Variants in URI1 observed in about 807,000 individuals in gnomAD.
URI1 encodes the protein URI1 prefoldin like chaperone.
A neutral mutation model predicts 60.2 loss-of-function variants in URI1; 39 were observed. The ratio of observed to expected loss-of-function variants is 0.65; its 90% CI spans 0.50 to 0.85. The LOEUF (loss-of-function observed/expected upper bound fraction) is 0.85. Among genes scored for constraint, URI1 ranks in the 40% least tolerant of loss-of-function variants. The probability of loss-of-function intolerance (pLI) is 0.00; values close to 1 mark genes in which losing one functional copy is unlikely to be tolerated. For missense variants in URI1, 691 were observed against 665.9 expected (o/e 1.04, Z -0.42); for synonymous variants, 251 against 236.8 (o/e 1.06, Z -0.55).
chr19:30,012,527 C>T lies in URI1; in HGVS notation c.1421C>T (p.Pro474Leu), dbSNP rs1370841788. Reference sequence around the variant, plus strand: ...AAACTTTTGCCCTTATCAGTAACACCTGAGGTGTGTGTGTGTATCTTTTAA... The same window carrying T: ...AAACTTTTGCCCTTATCAGTAACACTTGAGGTGTGTGTGTGTATCTTTTAA... The part of the protein sequence containing the change: ...QKKLLPLSVT[P>L]EAFSGTVIEK... The change falls in exon 10 of 11, where the codon CCT (proline) becomes CTT (leucine). Residue 474 changes from proline to leucine, a missense_variant. Transcript: ENST00000392271. The T allele has an allele frequency of 6.2e-7, 1 of 1,613,752 alleles. No homozygotes were observed. The highest frequency in any genetic ancestry group is 1.3e-5 in the African/African-American group (1 of 74,886).
At chr19:29,998,315 T>C (rs2055837866) in intron 4 of URI1, among the ~76,000 whole-genome samples, 1 of 152,158 alleles carries the variant, frequency 6.6e-6, no homozygotes, top group Non-Finnish European at 1.5e-5. Context: ...TGTTGTTGGG[T>C]GGAGGTTTCT....
In URI1 at chr19:30,014,905, A is replaced by G. The variant is rs1568450542; in HGVS notation, c.1444A>G (p.Ile482Val). ...TTTCTAGGCTTTTTCTGGAACTGTT[A>G]TAGAAAAAGAATTTGTATCACCTTC... ...VTPEAFSGTVIEKEFVSPSLT... is the reference protein window; with the variant it reads ...VTPEAFSGTVVEKEFVSPSLT... The change falls in exon 11 of 11, where the codon ATA (isoleucine) becomes GTA (valine). Residue 482 changes from isoleucine (I) to valine (V), a missense_variant. Ile to Val is a conservative substitution (Grantham distance 29). Coordinates refer to ENST00000392271, the MANE Select transcript of URI1 (RefSeq NM_003796.3). 2.5e-6 allele frequency: 4 copies of G among 1,612,618 alleles called. No homozygotes were observed. Among genetic ancestry groups the G allele is most frequent in the Non-Finnish European group, 3.4e-6 (4 of 1,179,084 alleles).
intron 2 of URI1, among the ~76,000 whole-genome samples, chr19:29,975,920 G>A (rs1409011745): frequency 6.6e-6 from 1 of 152,130 alleles, no homozygotes; most frequent in Non-Finnish European, 1.5e-5. Flanking sequence ...TTGTGTGTGT[G>A]TATTCATCTA....
intron 6 of URI1, 131 bp downstream of exon 6, chr19:30,005,839 A>G (rs1237004076): frequency 1.3e-6 from 1 of 783,502 alleles, no homozygotes; most frequent in African/African-American, 1.8e-5. Context: ...ACATTTTTCT[A>G]CTCATTGATT....
intron 4 of URI1, among the ~76,000 whole-genome samples, chr19:30,001,420 G>A (rs770306368): frequency 2.0e-5 from 3 of 151,738 alleles, no homozygotes; most frequent in Non-Finnish European, 3.0e-5. Flanking sequence ...GCGTTTCAAG[G>A]TTCAGTATGT....
rs543636425 is a variant in URI1 at position 29,984,716 on chromosome 19, A to G, written c.153-507A>G. ...ACCACATTAATCTTGAATTTGCTAA[A>G]ATTATGTTTTTGATTAGCTTGTTTT... On this transcript the variant is annotated intron_variant, in intron 2 of 10. Transcript: ENST00000392271. 1.0e-3 allele frequency among the ~76,000 whole-genome samples: 157 copies of G among 152,280 alleles called. 3 individuals are homozygous for G. Among genetic ancestry groups the G allele is most frequent in the African/African-American group, 3.7e-3 (155 of 41,552 alleles).
At position 29,978,032 on chromosome 19, in the gene URI1, A is replaced by G. The variant is rs190674049; in HGVS notation, c.152+6805A>G. 3.3e-5 allele frequency among the ~76,000 whole-genome samples: 5 copies of G among 152,224 alleles called. No homozygotes were observed. In the East Asian group the frequency reaches 5.8e-4, roughly 18 times the overall value. On this transcript the variant is annotated intron_variant, in intron 2 of 10. Coordinates refer to ENST00000392271, the MANE Select transcript of URI1 (RefSeq NM_003796.3). ...ATTCCCTCTAGCTTCTTAATTCTGT[A>G]TGTGTATTTATGTGACTAAGGTCAA...
chr19:29,928,182 C>T (rs1568399737), intron 1 of URI1, among the ~76,000 whole-genome samples: 2 of 152,008 alleles, frequency 1.3e-5, no homozygotes, highest in Non-Finnish European at 2.9e-5. Flanking sequence ...TGAGAGCTGC[C>T]CGGCTGCCTG....
upstream of URI1, among the ~76,000 whole-genome samples, chr19:29,940,776 G>C (rs1346460264): frequency 6.6e-6 from 1 of 152,184 alleles, no homozygotes; most frequent in Non-Finnish European, 1.5e-5. Context: ...GCTTCCTACA[G>C]GCACAGGACT....
At chr19:29,931,714 A>G (rs939089902) in intron 1 of URI1, among the ~76,000 whole-genome samples, 2 of 152,208 alleles carry the variant, frequency 1.3e-5, no homozygotes, top group African/African-American at 4.8e-5. Flanking sequence ...TCGATGTACA[A>G]ACTTGCTCCT....
intron 1 of URI1, chr19:29,956,922 G>A (rs113739589): frequency 4.5e-5 from 49 of 1,093,986 alleles, no homozygotes; most frequent in South Asian, 2.6e-4. Context: ...ATAACTGTGC[G>A]TCCCTTCAGA....
At chr19:29,924,167 T>A (rs372536708) in intron 1 of URI1, among the ~76,000 whole-genome samples, 1 of 152,070 alleles carries the variant, frequency 6.6e-6, no homozygotes, top group East Asian at 1.9e-4. Context: ...AGGGCAGATG[T>A]TTTTTACTCG....
chr19:29,984,373 G>T (rs183262315), intron 2 of URI1, among the ~76,000 whole-genome samples: 4 of 152,284 alleles, frequency 2.6e-5, no homozygotes, highest in African/African-American at 7.2e-5. Flanking sequence ...AGGTTGCAGT[G>T]AGCTGAGATT....
rs199739403 is a variant in URI1, at chr19:29,970,128, ATTTTTTTTTTTTT to A, written c.118-1049_118-1037del. ...GACAGGTCTAAAAAAAATCGTGTGTATTTTTTTTTTTTTTTTTTTTTTTTTTTTGCTGGGACGG... is the reference window on the plus strand; with the variant it reads ...GACAGGTCTAAAAAAAATCGTGTGTATTTTTTTTTTTTTTTGCTGGGACGG... On this transcript the variant is annotated intron_variant, in intron 1 of 10. Transcript: ENST00000392271. Among the ~76,000 whole-genome samples, 226 of 74,540 alleles carry A rather than the reference ATTTTTTTTTTTTT, an allele frequency of 3.0e-3. 1 individual carries two copies. The highest frequency in any genetic ancestry group is 8.7e-3 in the African/African-American group (181 of 20,866). 48.9% of individuals were successfully genotyped at this position (74,540 alleles called of 152,430 possible). A position where few individuals can be genotyped will look rare whatever the true frequency, so the allele number is the denominator to read the frequency against.
Position 29,953,380 on chromosome 19 carries a change from A to G in URI1, c.117+10716A>G, listed in dbSNP as rs1385279245. On this transcript the variant is annotated intron_variant, in intron 1 of 10. Transcript: ENST00000392271. Reference sequence around the variant, plus strand: ...TCAAAAAAAAAATTTATTGGACTTCATTGGTCAAGAGTGCTACTAGCTCTT... The same window carrying G: ...TCAAAAAAAAAATTTATTGGACTTCGTTGGTCAAGAGTGCTACTAGCTCTT... 5.3e-5 allele frequency among the ~76,000 whole-genome samples: 8 copies of G among 152,168 alleles called. No individual in the cohort carries two copies. The East Asian group carries it at 9.6e-4, about 18-fold the overall frequency.
upstream of URI1, among the ~76,000 whole-genome samples, chr19:29,938,272 A>G (rs1369254287): frequency 1.3e-5 from 2 of 152,242 alleles, no homozygotes; most frequent in South Asian, 2.1e-4. Context: ...GAAGCTTCCA[A>G]TCATGGTGGA....
chr19:29,940,534 A>G (rs1406552525), upstream of URI1, among the ~76,000 whole-genome samples: 3 of 152,116 alleles, frequency 2.0e-5, no homozygotes, highest in African/African-American at 7.2e-5. Context: ...CTGTAGTCCC[A>G]GCTACTCAGG....
At chr19:29,925,216 A>G (rs1201231577) in intron 1 of URI1, among the ~76,000 whole-genome samples, 1 of 152,248 alleles carries the variant, frequency 6.6e-6, no homozygotes, top group Non-Finnish European at 1.5e-5. Context: ...CCGCACATGA[A>G]GGACAAAATG....
At chr19:29,986,114 G>A (rs570955464) in intron 3 of URI1, among the ~76,000 whole-genome samples, 168 bp from the exon 4 acceptor site, 6 of 151,992 alleles carry the variant, frequency 3.9e-5, no homozygotes, top group Non-Finnish European at 7.4e-5. Context: ...GATTTTCCTA[G>A]TAAAATTTTA....
Sources: allele counts gnomAD v4.1 joint callset (sites outside exome capture counted in the v4.1 genomes callset), GRCh38; gene constraint gnomAD v4.1.1; transcripts MANE v1.5; gene names NCBI Gene and HGNC (gene_info 2026-07-23, HGNC 2026-07-21).